NCAPD3: variants seen among roughly 807,000 people sequenced by gnomAD.
NCAPD3 encodes condensin-2 complex subunit D3.
A neutral mutation model predicts 182.9 loss-of-function variants in NCAPD3; 105 were observed. The observed-to-expected ratio is 0.57, with a 90% CI of 0.49 to 0.68. The LOEUF (loss-of-function observed/expected upper bound fraction) is 0.68. NCAPD3 is among the 30% of genes least tolerant of loss of function. The pLI is 0.00. For synonymous variants in NCAPD3, 815 were observed against 679.9 expected, an observed-to-expected ratio of 1.20 and a Z score of -3.09; for missense variants, 1,944 against 1,837.0, an observed-to-expected ratio of 1.06 and a Z score of -1.07.
intron 22 of NCAPD3, 118 bp from the exon 23 acceptor site, chr11:134,177,575 C>G: frequency 2.4e-6 from 2 of 847,926 alleles, no homozygotes; most frequent in Non-Finnish European, 3.6e-6. Context: ...AAACATCATG[C>G]CCACAATCAC....
intron 16 of NCAPD3, among the ~76,000 whole-genome samples, chr11:134,190,650 C>CT (rs1164511743): frequency 1.3e-5 from 2 of 152,062 alleles, no homozygotes; most frequent in Admixed American, 6.5e-5. Context: ...CCACAAATGG[C>CT]TTTTTTTGTA....
chr11:134,197,788 A>G (rs1199062777), intron 13 of NCAPD3, among the ~76,000 whole-genome samples: 1 of 152,210 alleles, frequency 6.6e-6, no homozygotes, highest in African/African-American at 2.4e-5. Flanking sequence ...AAAACCACAC[A>G]ATCATCTCAA....
chr11:134,191,520 A>C (rs980822921), intron 16 of NCAPD3, among the ~76,000 whole-genome samples: 1 of 152,236 alleles, frequency 6.6e-6, no homozygotes, highest in Non-Finnish European at 1.5e-5. Context: ...TTTATAAAGA[A>C]AAATAAATTT....
chr11:134,190,251 T>A (rs1944495647), intron 16 of NCAPD3, among the ~76,000 whole-genome samples: 1 of 152,140 alleles, frequency 6.6e-6, no homozygotes, highest in Non-Finnish European at 1.5e-5. Flanking sequence ...TCTAATCTCC[T>A]CCTATCCAAT....
intron 2 of NCAPD3, 93 bp downstream of exon 2, chr11:134,220,479 T>C: frequency 1.7e-5 from 22 of 1,262,670 alleles, no homozygotes; most frequent in Non-Finnish European, 2.5e-5. Context: ...CTGTGAACTG[T>C]ACACCAAGAA....
chr11:134,167,624 AG>A (rs1400122385), intron 27 of NCAPD3, among the ~76,000 whole-genome samples: 1 of 79,582 alleles, frequency 1.3e-5, no homozygotes, highest in East Asian at 4.0e-4. Context: ...AGCTTGGGGG[AG>A]GGGCACACTA....
rs79792276 is a variant in NCAPD3, at chr11:134,172,134, C to T, written c.3102-3080G>A. The stretch of plus-strand genomic sequence containing the variant: ...GAGTGTGGGCTGGCTGCTGTTAAGA[C>T]GCCTCCACCTCCACCTCCCCGTGGT... On this transcript the variant is annotated intron_variant, in intron 24 of 34. Transcript: ENST00000534548. 6.8e-4 allele frequency among the ~76,000 whole-genome samples: 104 copies of T among 152,244 alleles called. 1 individual carries two copies. The East Asian group carries it at 0.017, about 25-fold the overall frequency.
chr11:134,175,394 G>A (rs1944137868), intron 24 of NCAPD3, among the ~76,000 whole-genome samples: 1 of 152,332 alleles, frequency 6.6e-6, no homozygotes, highest in East Asian at 1.9e-4. Flanking sequence ...GACAGCCTTA[G>A]CTTTTTGCCT....
intron 13 of NCAPD3, among the ~76,000 whole-genome samples, chr11:134,199,503 T>C (rs1944704452): frequency 7.4e-6 from 1 of 134,792 alleles, no homozygotes; most frequent in East Asian, 1.9e-4. Flanking sequence ...AAACCATACT[T>C]TGAGTTTTGA....
intron 27 of NCAPD3, 145 bp from the exon 28 acceptor site, chr11:134,162,036 C>T (rs571387376): frequency 1.8e-4 from 101 of 555,356 alleles, no homozygotes; most frequent in Non-Finnish European, 2.9e-4. Context: ...ATGTAGAGGA[C>T]CTCTGCTTTT....
chr11:134,159,775 C>A (rs375283504), intron 29 of NCAPD3, 117 bp downstream of exon 29: 21 of 1,168,724 alleles, frequency 1.8e-5, no homozygotes, highest in Admixed American at 2.5e-5. Flanking sequence ...CTCTCGAGGC[C>A]TTCGGGCTGA....
intron 27 of NCAPD3, 54 bp downstream of exon 27, chr11:134,167,942 G>T: frequency 6.5e-7 from 1 of 1,542,978 alleles, no homozygotes; most frequent in South Asian, 1.2e-5. Context: ...ATGAGCTTAG[G>T]GGAGCAGCAC....
chr11:134,183,387 G>A (rs1198456012), intron 19 of NCAPD3, among the ~76,000 whole-genome samples: 2 of 152,080 alleles, frequency 1.3e-5, no homozygotes, highest in Non-Finnish European at 2.9e-5. Flanking sequence ...GGCCAACATG[G>A]TGAAACCCTG....
chr11:134,215,045 T>C (rs1937965384), intron 3 of NCAPD3, among the ~76,000 whole-genome samples: 1 of 152,222 alleles, frequency 6.6e-6, no homozygotes, highest in African/African-American at 2.4e-5. Context: ...TGGTTTAATA[T>C]GTGAAAATCA....
At chr11:134,174,506 T>C (rs764533902) in intron 24 of NCAPD3, among the ~76,000 whole-genome samples, 38 of 150,372 alleles carry the variant, frequency 2.5e-4, no homozygotes, top group Middle Eastern at 3.5e-3. Context: ...TATACATATA[T>C]ATATACACAC....
At chr11:134,211,703 A>G (rs1472579102) in intron 3 of NCAPD3, among the ~76,000 whole-genome samples, 1 of 152,188 alleles carries the variant, frequency 6.6e-6, no homozygotes, top group Non-Finnish European at 1.5e-5. Context: ...ATGAAAAAAA[A>G]AAATTTTAAA....
At position 134,177,409 on chromosome 11, in the gene NCAPD3, G is replaced by A; in HGVS notation, c.2831C>T (p.Ala944Val). Residue 944 changes from alanine (A) to valine (V), a missense_variant, in exon 23 of 35, where the codon GCC (alanine) becomes GTC (valine). Physicochemically the swap from Ala to Val is moderately conservative, Grantham distance 64. Transcript: ENST00000534548. Reference protein sequence around the residue: ...HEDLAKKSIPALVRELEVCED... With the variant: ...HEDLAKKSIPVLVRELEVCED... ...ACACACCTCGAGCTCTCGCACCAGG[G>A]CTGGGATGCTCTTCTTTGCCAGATC... 3 of 1,614,204 alleles carry A rather than the reference G, an allele frequency of 1.9e-6. No individual in the cohort carries two copies. Among genetic ancestry groups the A allele is most frequent in the Non-Finnish European group, 2.5e-6 (3 of 1,180,028 alleles).
At chr11:134,195,173 T>C (rs1001126770) in intron 13 of NCAPD3, among the ~76,000 whole-genome samples, 3 of 152,190 alleles carry the variant, frequency 2.0e-5, no homozygotes, top group African/African-American at 7.2e-5. Context: ...CAATCATAGC[T>C]CACCGCAATC....
At chr11:134,158,119 G>C (rs765287932) in intron 30 of NCAPD3, 52 bp from the exon 31 acceptor site, 1 of 1,595,478 alleles carries the variant, frequency 6.3e-7, no homozygotes, top group Non-Finnish European at 8.5e-7. Flanking sequence ...CCACTGCAGA[G>C]GTGACAGTGC....
Sources: allele counts gnomAD v4.1 joint callset (sites outside exome capture counted in the v4.1 genomes callset), GRCh38; gene constraint gnomAD v4.1.1; transcripts MANE v1.5; gene names NCBI Gene and HGNC (gene_info 2026-07-23, HGNC 2026-07-21).